The following CDK6 variants were observed in gnomAD, a reference collection of about 807,000 sequenced individuals.
CDK6 encodes cyclin dependent kinase 6, also known as cyclin-dependent kinase 6.
CDK6 carries 6 observed loss-of-function variants against 37.1 expected under a neutral mutation model. That is an observed-to-expected ratio of 0.16 (90% CI 0.09 to 0.32). The LOEUF (loss-of-function observed/expected upper bound fraction) is 0.32, where lower values mean the gene tolerates loss of function less well. CDK6 is among the 10% of genes least tolerant of loss of function. The probability of loss-of-function intolerance (pLI) is 1.00; values close to 1 mark genes in which losing one functional copy is unlikely to be tolerated. For missense variants in CDK6, 224 were observed against 418.9 expected, an observed-to-expected ratio of 0.53 and a Z score of 4.06; for synonymous variants, 160 against 161.3, an observed-to-expected ratio of 0.99 and a Z score of 0.06.
intron 5 of CDK6, among the ~76,000 whole-genome samples, chr7:92,638,759 T>C (rs1796234545): frequency 6.6e-6 from 1 of 152,218 alleles, no homozygotes; most frequent in South Asian, 2.1e-4. Flanking sequence ...TCACTAGTGC[T>C]TGAAGATGTC....
intron 6 of CDK6, among the ~76,000 whole-genome samples, chr7:92,620,108 T>A (rs1199353344): frequency 6.6e-6 from 1 of 152,184 alleles, no homozygotes; most frequent in Admixed American, 6.5e-5. Context: ...CTAGAAATAT[T>A]TAAAATCTTT....
At chr7:92,708,108 A>T (rs565794091) in intron 4 of CDK6, among the ~76,000 whole-genome samples, 1 of 152,282 alleles carries the variant, frequency 6.6e-6, no homozygotes, top group South Asian at 2.1e-4. Context: ...CTGAAAAAAA[A>T]TTTGACGCTT....
chr7:92,618,296 G>C (rs2116485619), intron 6 of CDK6, 89 bp from the exon 7 acceptor site: 1 of 1,308,406 alleles, frequency 7.6e-7, no homozygotes, highest in Non-Finnish European at 1.1e-6. Flanking sequence ...AAAATCTAAG[G>C]GGGAGACATG....
intron 2 of CDK6, 65 bp from the exon 3 acceptor site, chr7:92,774,896 T>C (rs1799810355): frequency 2.0e-6 from 3 of 1,474,020 alleles, no homozygotes; most frequent in Middle Eastern, 3.5e-4. Context: ...GTATGTTTTA[T>C]ACATATCGCT....
intron 2 of CDK6, among the ~76,000 whole-genome samples, chr7:92,820,291 C>G (rs551292416): frequency 9.2e-5 from 14 of 152,224 alleles, no homozygotes; most frequent in South Asian, 6.2e-4. Context: ...AGGACTCCAT[C>G]AGCTTCATAG....
chr7:92,748,070 A>G (rs764145523), intron 3 of CDK6, among the ~76,000 whole-genome samples: 6 of 152,210 alleles, frequency 3.9e-5, no homozygotes, highest in Admixed American at 6.5e-5. Flanking sequence ...TTCAATACAC[A>G]ATGGAAAATT....
chr7:92,727,503 G>C (rs1450303319), intron 3 of CDK6, among the ~76,000 whole-genome samples: 1 of 152,180 alleles, frequency 6.6e-6, no homozygotes, highest in African/African-American at 2.4e-5. Context: ...TGTATGCCAA[G>C]TGCTTGTACA....
At chr7:92,692,428 C>T (rs1293484718) in intron 4 of CDK6, among the ~76,000 whole-genome samples, 2 of 152,134 alleles carry the variant, frequency 1.3e-5, no homozygotes, top group Non-Finnish European at 2.9e-5. Context: ...CCATATACAC[C>T]AATCACAGTA....
chr7:92,655,447 G>A (rs1301207524), intron 5 of CDK6, among the ~76,000 whole-genome samples: 4 of 152,204 alleles, frequency 2.6e-5, no homozygotes, highest in Non-Finnish European at 5.9e-5. Flanking sequence ...CTAACAGAGT[G>A]CCTTTGAAAA....
intron 3 of CDK6, among the ~76,000 whole-genome samples, chr7:92,769,813 T>C (rs1202537805): frequency 1.3e-5 from 2 of 152,038 alleles, no homozygotes; most frequent in Non-Finnish European, 2.9e-5. Context: ...TTTCTGACCC[T>C]CTCTCATAGG....
intron 4 of CDK6, among the ~76,000 whole-genome samples, chr7:92,715,039 C>CT (rs1798193814): frequency 6.6e-6 from 1 of 152,154 alleles, no homozygotes; most frequent in African/African-American, 2.4e-5. Context: ...AATCATCCAG[C>CT]GTTACATAAG....
intron 4 of CDK6, among the ~76,000 whole-genome samples, chr7:92,722,465 C>T (rs6969024): frequency 2.0e-5 from 3 of 152,114 alleles, no homozygotes; most frequent in South Asian, 2.1e-4. Flanking sequence ...CTTGGGTTTG[C>T]GTCAACTTTT....
chr7:92,800,140 T>C (rs1800532331), intron 2 of CDK6, among the ~76,000 whole-genome samples: 1 of 152,180 alleles, frequency 6.6e-6, no homozygotes, highest in African/African-American at 2.4e-5. Flanking sequence ...TCAAGGGCAC[T>C]ACCCTAATTT....
chr7:92,737,559 C>T (rs753806114), intron 3 of CDK6, among the ~76,000 whole-genome samples: 14 of 152,174 alleles, frequency 9.2e-5, no homozygotes, highest in South Asian at 2.1e-4. Context: ...GGATAATAAC[C>T]GGATACTATA....
chr7:92,737,574 T>G (rs898575155), intron 3 of CDK6, among the ~76,000 whole-genome samples: 31 of 152,296 alleles, frequency 2.0e-4, no homozygotes, highest in African/African-American at 6.3e-4. Flanking sequence ...ACTATAAGCA[T>G]GAAATATACC....
At chr7:92,625,018 T>C (rs1390947704) in intron 5 of CDK6, among the ~76,000 whole-genome samples, 1 of 152,052 alleles carries the variant, frequency 6.6e-6, no homozygotes, top group East Asian at 1.9e-4. Flanking sequence ...GGCGATGGAC[T>C]GTCCTGGGAG....
intron 2 of CDK6, among the ~76,000 whole-genome samples, chr7:92,828,812 GTTC>G (rs1463932905): frequency 1.3e-5 from 2 of 152,044 alleles, no homozygotes; most frequent in Admixed American, 1.3e-4. Context: ...GCATTATCAA[GTTC>G]TTCTGTAGGA....
intron 3 of CDK6, among the ~76,000 whole-genome samples, chr7:92,746,240 T>C (rs1799054646): frequency 6.6e-6 from 1 of 152,220 alleles, no homozygotes; most frequent in Non-Finnish European, 1.5e-5. Flanking sequence ...ATGCCTCCTT[T>C]TGCCCTTGTA....
In CDK6 at chr7:92,611,715, G is replaced by T. The variant is rs1266683833; in HGVS notation, c.*3425C>A. On this transcript the variant is annotated 3_prime_UTR_variant, in exon 8 of 8. Coordinates refer to ENST00000424848, the MANE Select transcript of CDK6 (RefSeq NM_001145306.2). ...AAACTATACATTTCTCTATAGAAAA[G>T]AAACATGCTTTATTTAAGATAGGAA... 4.4e-6 allele frequency: 1 copy of T among 229,572 alleles called. No individual in the cohort carries two copies. The highest frequency in any genetic ancestry group is 2.2e-5 in the African/African-American group (1 of 45,152). The allele number at this position is 229,572 out of a possible 1,614,324, so 14.2% of individuals were successfully genotyped here.
Sources: gnomAD v4.1 joint callset for allele counts (sites outside exome capture counted in the v4.1 genomes callset) on GRCh38, gnomAD v4.1.1 for gene constraint, MANE v1.5 for transcripts, NCBI Gene and HGNC (gene_info 2026-07-23, HGNC 2026-07-21) for gene names.